RNF180: variants seen among roughly 807,000 people sequenced by gnomAD.
RNF180 encodes ring finger protein 180, also known as E3 ubiquitin-protein ligase RNF180.
RNF180 carries 38 observed loss-of-function variants against 59.2 expected under a neutral mutation model. The observed-to-expected ratio is 0.64, with a 90% CI of 0.50 to 0.84. The LOEUF is 0.84. RNF180 is among the 40% of genes least tolerant of loss of function. The probability of loss-of-function intolerance (pLI) is 0.00; values close to 1 mark genes in which losing one functional copy is unlikely to be tolerated. For missense variants in RNF180, 705 were observed against 700.9 expected, an observed-to-expected ratio of 1.01 and a Z score of -0.07; for synonymous variants, 262 against 240.3, an observed-to-expected ratio of 1.09 and a Z score of -0.84.
chr5:64,365,208 A>C (rs1746401057), intron 7 of RNF180, among the ~76,000 whole-genome samples: 1 of 150,512 alleles, frequency 6.6e-6, no homozygotes, highest in Non-Finnish European at 1.5e-5. Context: ...TTCCCTTTTA[A>C]CTCTTCTCAT....
chr5:64,182,055 A>G (rs1288477596), intron 1 of RNF180, among the ~76,000 whole-genome samples: 3 of 139,394 alleles, frequency 2.2e-5, no homozygotes, highest in African/African-American at 8.3e-5. Flanking sequence ...GCAGTGGCAC[A>G]TCTTAGCTCA....
chr5:64,361,468 G>A (rs1399005844), intron 7 of RNF180, among the ~76,000 whole-genome samples: 2 of 151,566 alleles, frequency 1.3e-5, no homozygotes, highest in Non-Finnish European at 3.0e-5. Flanking sequence ...TGTGAATAAT[G>A]AGTATGTGGA....
chr5:64,248,426 A>T (rs1279251173), intron 5 of RNF180, among the ~76,000 whole-genome samples: 1 of 152,110 alleles, frequency 6.6e-6, no homozygotes. Flanking sequence ...AAACAACCTC[A>T]TCAAAAAGCA....
intron 5 of RNF180, among the ~76,000 whole-genome samples, chr5:64,290,075 A>G (rs191675140): frequency 2.0e-5 from 3 of 152,202 alleles, no homozygotes; most frequent in South Asian, 2.1e-4. Flanking sequence ...AGATTCTGGT[A>G]TGTTGTCTCT....
chr5:64,308,327 T>C (rs1392991859), intron 5 of RNF180, among the ~76,000 whole-genome samples: 1 of 151,766 alleles, frequency 6.6e-6, no homozygotes, highest in Non-Finnish European at 1.5e-5. Context: ...ACTGTAATCT[T>C]ATGTGCATAT....
intron 2 of RNF180, among the ~76,000 whole-genome samples, chr5:64,210,448 T>C (rs778833106): frequency 2.1e-4 from 32 of 152,174 alleles, no homozygotes; most frequent in Admixed American, 3.9e-4. Flanking sequence ...AATGATTGAA[T>C]GTGCTAGAAT....
At chr5:64,309,789 C>G (rs1314244510) in intron 5 of RNF180, among the ~76,000 whole-genome samples, 1 of 151,540 alleles carries the variant, frequency 6.6e-6, no homozygotes, top group Non-Finnish European at 1.5e-5. Flanking sequence ...AGCAACCACT[C>G]AAACCTTTAT....
intron 7 of RNF180, among the ~76,000 whole-genome samples, chr5:64,355,110 TC>T: frequency 6.6e-6 from 1 of 151,978 alleles, no homozygotes; most frequent in East Asian, 1.9e-4. Flanking sequence ...ATAAAAGGCA[TC>T]CAAATTGGAA....
intron 5 of RNF180, among the ~76,000 whole-genome samples, chr5:64,229,774 A>G (rs897517137): frequency 1.3e-5 from 2 of 152,198 alleles, no homozygotes; most frequent in Non-Finnish European, 2.9e-5. Flanking sequence ...GATAAAATCA[A>G]TAGCCGGTAT....
chr5:64,284,286 A>AT (rs1222265243), intron 5 of RNF180, among the ~76,000 whole-genome samples: 3 of 151,940 alleles, frequency 2.0e-5, no homozygotes, highest in Non-Finnish European at 4.4e-5. Context: ...TGCCTGTAAT[A>AT]TTTTTTCTTT....
chr5:64,272,290 A>T (rs1212437840), intron 5 of RNF180, among the ~76,000 whole-genome samples: 1 of 152,084 alleles, frequency 6.6e-6, no homozygotes, highest in African/African-American at 2.4e-5. Flanking sequence ...CTTTTGGCCA[A>T]GATCTAGTAA....
chr5:64,291,416 C>CTTT lies in RNF180; in HGVS notation c.1228-33746_1228-33744dup, dbSNP rs1207692101. On this transcript the variant is annotated intron_variant, in intron 5 of 7. Transcript: ENST00000389100. Reference sequence around the variant, plus strand: ...TGGATGGCATTCTGAAGTATGTTTTCTTTTTTTTTTTTTTTTTTTTTTTTT... The same window carrying CTTT: ...TGGATGGCATTCTGAAGTATGTTTTCTTTTTTTTTTTTTTTTTTTTTTTTTTTT... 4.0e-4 allele frequency among the ~76,000 whole-genome samples: 29 copies of CTTT among 71,786 alleles called. 2 individuals are homozygous for CTTT. Among genetic ancestry groups the CTTT allele is most frequent in the African/African-American group, 1.2e-3 (19 of 15,776 alleles). The allele number at this position is 71,786 out of a possible 152,430, so 47.1% of individuals were successfully genotyped here.
chr5:64,287,241 A>G (rs1284244350), intron 5 of RNF180, among the ~76,000 whole-genome samples: 3 of 152,212 alleles, frequency 2.0e-5, no homozygotes, highest in African/African-American at 7.2e-5. Flanking sequence ...CTGGGATTAC[A>G]GACGTGAGCC....
chr5:64,220,094 G>A (rs933825444), intron 5 of RNF180, among the ~76,000 whole-genome samples: 3 of 151,988 alleles, frequency 2.0e-5, no homozygotes, highest in African/African-American at 7.3e-5. Flanking sequence ...TTTCAATCCT[G>A]ATAATGATGG....
chr5:64,213,736 A>G lies in RNF180; in HGVS notation c.410A>G (p.Tyr137Cys), dbSNP rs1752442654. Reference protein sequence around the residue: ...AGRLMRPSVKYLSHPRVQSGC... With the variant: ...AGRLMRPSVKCLSHPRVQSGC... Reference sequence around the variant, plus strand: ...AGACTAATGAGACCATCAGTGAAATACTTGTCACATCCTAGAGTTCAGTCA... The same window carrying G: ...AGACTAATGAGACCATCAGTGAAATGCTTGTCACATCCTAGAGTTCAGTCA... Residue 137 changes from tyrosine to cysteine, a missense_variant, in exon 4 of 8, where the codon TAC becomes TGC. Transcript: ENST00000389100. 2 of 1,614,062 alleles carry G rather than the reference A, an allele frequency of 1.2e-6. No homozygotes were observed. Among genetic ancestry groups the G allele is most frequent in the Non-Finnish European group, 1.7e-6 (2 of 1,180,016 alleles).
chr5:64,182,702 T>C (rs1471176857), intron 1 of RNF180, among the ~76,000 whole-genome samples: 1 of 152,140 alleles, frequency 6.6e-6, no homozygotes, highest in East Asian at 1.9e-4. Context: ...GAATAAGTGA[T>C]AGCAAATTGA....
At chr5:64,353,404 A>G (rs1172486029) in intron 7 of RNF180, among the ~76,000 whole-genome samples, 1 of 151,806 alleles carries the variant, frequency 6.6e-6, no homozygotes, top group Non-Finnish European at 1.5e-5. Context: ...CAACCGTTCA[A>G]TCAAAACTAA....
rs188630913 is a variant in RNF180 at position 64,188,619 on chromosome 5, T to C, written c.1-12189T>C. Among the ~76,000 whole-genome samples the C allele has an allele frequency of 1.2e-3, 184 of 152,328 alleles. 1 individual carries two copies. Among genetic ancestry groups the C allele is most frequent in the African/African-American group, 4.4e-3 (181 of 41,576 alleles). On this transcript the variant is annotated intron_variant, in intron 1 of 7. Transcript: ENST00000389100. ...AAGTTTTAAGAAAGATATTGATAATTGCTAAGGGAGCTCTAAGTTCTTTGG... is the reference window on the plus strand; with the variant it reads ...AAGTTTTAAGAAAGATATTGATAATCGCTAAGGGAGCTCTAAGTTCTTTGG...
At chr5:64,200,529 T>A (rs942989364) in intron 1 of RNF180, among the ~76,000 whole-genome samples, 1 of 152,120 alleles carries the variant, frequency 6.6e-6, no homozygotes. Flanking sequence ...CCACTTTTAG[T>A]GAGAGACAAA....
Sources: allele counts gnomAD v4.1 joint callset (sites outside exome capture counted in the v4.1 genomes callset), GRCh38; gene constraint gnomAD v4.1.1; transcripts MANE v1.5; gene names NCBI Gene and HGNC (gene_info 2026-07-23, HGNC 2026-07-21).